Variants in EDIL3 observed in about 807,000 individuals in gnomAD.
EDIL3 encodes EGF-like repeat and discoidin I-like domain-containing protein 3.
EDIL3 carries 37 observed loss-of-function variants against 67.4 expected under a neutral mutation model. The observed-to-expected ratio is 0.55, with a 90% CI of 0.42 to 0.72. The LOEUF (loss-of-function observed/expected upper bound fraction) is 0.72, where lower values mean the gene tolerates loss of function less well. EDIL3 is among the 30% of genes least tolerant of loss of function. EDIL3 has a pLI of 0.00. For synonymous variants in EDIL3, 195 were observed against 196.3 expected (o/e 0.99, Z 0.05); for missense variants, 527 against 586.3 (o/e 0.90, Z 1.04).
chr5:84,155,526 C>T (rs1034725820), intron 4 of EDIL3, among the ~76,000 whole-genome samples: 29 of 152,174 alleles, frequency 1.9e-4, no homozygotes, highest in Admixed American at 9.8e-4. Context: ...TAACGTTATT[C>T]GTTACTCCAT....
intron 9 of EDIL3, among the ~76,000 whole-genome samples, chr5:83,986,692 G>T (rs1196981076): frequency 1.3e-5 from 2 of 152,082 alleles, no homozygotes; most frequent in African/African-American, 4.8e-5. Context: ...TCCCCTGCAG[G>T]CGTAAGAACA....
intron 4 of EDIL3, among the ~76,000 whole-genome samples, chr5:84,167,993 T>C (rs1030635755): frequency 2.0e-5 from 3 of 152,208 alleles, no homozygotes; most frequent in African/African-American, 7.2e-5. Context: ...ATTTAAGATA[T>C]ATCATATAAA....
At chr5:84,274,287 A>G (rs1580049564) in intron 1 of EDIL3, among the ~76,000 whole-genome samples, 1 of 151,966 alleles carries the variant, frequency 6.6e-6, no homozygotes, top group Admixed American at 6.6e-5. Flanking sequence ...TTTTTTGTAA[A>G]GACAGGGTCC....
Position 84,141,926 on chromosome 5 carries a change from C to CATAT in EDIL3, c.356-4576_356-4573dup, listed in dbSNP as rs145638622. On this transcript the variant is annotated intron_variant, in intron 4 of 10. Transcript: ENST00000296591. ...CTACTCATATATATATATATATACA[C>CATAT]ATATATATATATATATATATACATA... 3.1e-3 allele frequency among the ~76,000 whole-genome samples: 385 copies of CATAT among 124,900 alleles called. 4 individuals are homozygous for CATAT. Among genetic ancestry groups the CATAT allele is most frequent in the African/African-American group, 0.011 (332 of 29,692 alleles). The allele number at this position is 124,900 out of a possible 152,430, so 81.9% of individuals were successfully genotyped here. A position where few individuals can be genotyped will look rare whatever the true frequency, so the allele number is the denominator to read the frequency against.
intron 6 of EDIL3, among the ~76,000 whole-genome samples, chr5:84,082,249 G>A (rs1223495678): frequency 1.3e-5 from 2 of 152,068 alleles, no homozygotes; most frequent in Non-Finnish European, 2.9e-5. Context: ...CAAGTGTCCT[G>A]GTATTTTAAA....
chr5:84,206,945 A>C (rs1743993695), intron 3 of EDIL3, among the ~76,000 whole-genome samples: 1 of 152,206 alleles, frequency 6.6e-6, no homozygotes, highest in Admixed American at 6.5e-5. Flanking sequence ...TATCATACTG[A>C]ATGGGCAAAA....
At chr5:84,007,985 A>T (rs1307124530) in intron 9 of EDIL3, among the ~76,000 whole-genome samples, 1 of 152,172 alleles carries the variant, frequency 6.6e-6, no homozygotes, top group East Asian at 1.9e-4. Flanking sequence ...ATTAGCATGG[A>T]TAAAACTGGA....
intron 7 of EDIL3, among the ~76,000 whole-genome samples, chr5:84,065,561 T>C (rs549934878): frequency 6.6e-6 from 1 of 151,772 alleles, no homozygotes; most frequent in African/African-American, 2.4e-5. Flanking sequence ...AATGCCTGAT[T>C]AAATGGAATG....
intron 5 of EDIL3, among the ~76,000 whole-genome samples, chr5:84,108,481 T>C (rs1239857303): frequency 6.6e-6 from 1 of 152,194 alleles, no homozygotes; most frequent in African/African-American, 2.4e-5. Flanking sequence ...TATATCACTT[T>C]AGAATCATTA....
At chr5:84,172,912 T>C (rs1580360182) in intron 4 of EDIL3, among the ~76,000 whole-genome samples, 2 of 152,192 alleles carry the variant, frequency 1.3e-5, no homozygotes, top group East Asian at 1.9e-4. Flanking sequence ...CTACTGCCAC[T>C]GGGCAGCTCT....
At position 84,384,701 on chromosome 5, in the gene EDIL3, G is replaced by C. The variant is rs1165757881; in HGVS notation, c.-327C>G. ...GGGCGCGGGCTCCCGCGGCCGCCCC[G>C]GGTCTGCTGCGCGGGCAGGCAGACC... On this transcript the variant is annotated 5_prime_UTR_variant, in exon 1 of 11. Coordinates refer to ENST00000296591, the MANE Select transcript of EDIL3 (RefSeq NM_005711.5). 6.0e-6 allele frequency: 1 copy of C among 167,882 alleles called. No homozygotes were observed. Among genetic ancestry groups the C allele is most frequent in the African/African-American group, 2.4e-5 (1 of 41,968 alleles). The allele number at this position is 167,882 out of a possible 1,614,324, so 10.4% of individuals were successfully genotyped here.
intron 3 of EDIL3, 87 bp from the exon 4 acceptor site, chr5:84,180,608 G>T: frequency 1.5e-6 from 2 of 1,377,610 alleles, no homozygotes; most frequent in East Asian, 5.3e-5. Flanking sequence ...TAATTTTACA[G>T]AAAAAAGTGT....
chr5:84,047,511 T>C (rs1274925623), intron 9 of EDIL3: 1 of 152,148 alleles, frequency 6.6e-6, no homozygotes, highest in Non-Finnish European at 1.5e-5. Context: ...GCTATATCTG[T>C]ATCAATAATT....
chr5:84,297,100 T>C (rs973857321), intron 1 of EDIL3, among the ~76,000 whole-genome samples: 3 of 142,266 alleles, frequency 2.1e-5, no homozygotes, highest in African/African-American at 7.9e-5. Context: ...GAGAATGGTG[T>C]GAACCCAGGA....
intron 1 of EDIL3, among the ~76,000 whole-genome samples, chr5:84,299,656 C>T (rs1178175377): frequency 6.6e-6 from 1 of 152,142 alleles, no homozygotes; most frequent in Non-Finnish European, 1.5e-5. Context: ...TAAGTAGTCT[C>T]AATTTGATCT....
chr5:84,048,398 A>G, intron 9 of EDIL3: 1 of 234,302 alleles, frequency 4.3e-6, no homozygotes, highest in South Asian at 4.1e-5. Context: ...ATTTAATTTG[A>G]AAGCTTAAAT....
At chr5:84,044,616 T>C (rs1219335948) in intron 9 of EDIL3, among the ~76,000 whole-genome samples, 1 of 152,182 alleles carries the variant, frequency 6.6e-6, no homozygotes, top group Non-Finnish European at 1.5e-5. Flanking sequence ...AATCTCGTAG[T>C]GGAACTATCT....
intron 10 of EDIL3, among the ~76,000 whole-genome samples, chr5:83,949,480 C>T (rs1424211012): frequency 3.3e-5 from 5 of 151,818 alleles, no homozygotes; most frequent in African/African-American, 1.2e-4. Context: ...TCATATCAAC[C>T]ACTAATTGTA....
intron 3 of EDIL3, among the ~76,000 whole-genome samples, chr5:84,226,814 T>G (rs747197720): frequency 2.6e-5 from 4 of 151,952 alleles, no homozygotes; most frequent in Non-Finnish European, 5.9e-5. Context: ...TTTTAAAACA[T>G]AATTTAAATT....
Sources: gnomAD v4.1 joint callset for allele counts (sites outside exome capture counted in the v4.1 genomes callset) on GRCh38, gnomAD v4.1.1 for gene constraint, MANE v1.5 for transcripts, NCBI Gene and HGNC (gene_info 2026-07-23, HGNC 2026-07-21) for gene names.